TRDMT1: variants seen among roughly 807,000 people sequenced by gnomAD.
The protein encoded by TRDMT1 is tRNA (cytosine(38)-C(5))-methyltransferase.
Under a neutral mutation model 51.2 loss-of-function variants are expected in TRDMT1, and 49 were observed. The ratio of observed to expected loss-of-function variants is 0.96; its 90% confidence interval spans 0.76 to 1.21. The LOEUF (loss-of-function observed/expected upper bound fraction) is 1.21. TRDMT1 is among the 50% of genes most tolerant of loss of function. The pLI is 0.00. For synonymous variants in TRDMT1, 187 were observed against 164.6 expected, an observed-to-expected ratio of 1.14 and a Z score of -1.04; for missense variants, 534 against 462.3, an observed-to-expected ratio of 1.16 and a Z score of -1.42.
chr10:17,180,391 A>C (rs150464429), intron 1 of TRDMT1, among the ~76,000 whole-genome samples: 1,650 of 152,196 alleles, frequency 0.011, 31 homozygotes, highest in African/African-American at 0.038. Context: ...AAATACAAAA[A>C]TCAGCTAGGC....
chr10:17,154,737 G>C lies in TRDMT1; in HGVS notation c.888-3C>G. ...TCCCTTCTATGTAGCTTCCATATCT[G>C]AAAAATCAACACAACAATTATGCAG... On this transcript the variant is annotated splice_polypyrimidine_tract_variant and splice_region_variant and intron_variant, in intron 8 of 10. Coordinates refer to ENST00000377799, the MANE Select transcript of TRDMT1 (RefSeq NM_004412.7). 1 of 1,601,482 alleles carries C rather than the reference G, an allele frequency of 6.2e-7. No homozygotes were observed. Among genetic ancestry groups the C allele is most frequent in the Non-Finnish European group, 8.5e-7 (1 of 1,174,486 alleles).
At chr10:17,168,966 G>T in intron 2 of TRDMT1, 49 bp from the exon 3 acceptor site, 1 of 1,225,220 alleles carries the variant, frequency 8.2e-7, no homozygotes, top group Non-Finnish European at 1.2e-6. Flanking sequence ...AACATGGATA[G>T]AATGGGGAAG....
In TRDMT1 at chr10:17,174,598, A is replaced by G. The variant is rs1842417709; in HGVS notation, c.127T>C (p.Tyr43His). The change falls in exon 2 of 11, where the codon TAC becomes CAC. Residue 43 changes from tyrosine (Y) to histidine (H), a missense_variant. Transcript: ENST00000377799. ...TGTGTGTGAGGAAAATTATACTTGT[A>G]TACTTCATTAGCGACAGTGTTGACA... ...IDVNTVANEV[Y>H]KYNFPHTQLL... 1 of 1,613,964 alleles carries G rather than the reference A, an allele frequency of 6.2e-7. No individual in the cohort carries two copies. The highest frequency in any genetic ancestry group is 1.3e-5 in the African/African-American group (1 of 74,942).
In TRDMT1 at chr10:17,140,393, C is replaced by T. The variant is rs536782657; in HGVS notation, c.*8647G>A. On this transcript the variant is annotated 3_prime_UTR_variant, in exon 11 of 11. Transcript: ENST00000377799. ...GGCTGACAGAATTATTCAAACAATC[C>T]CCCAAGCCATGAAAGAACCTACAAT... Among the ~76,000 whole-genome samples the T allele has an allele frequency of 2.6e-5, 4 of 151,896 alleles. No individual in the cohort carries two copies. Among genetic ancestry groups the T allele is most frequent in the Non-Finnish European group, 5.9e-5 (4 of 67,998 alleles).
At position 17,140,880 on chromosome 10, in the gene TRDMT1, CTTCCT is replaced by C. The variant is rs749445537; in HGVS notation, c.*8155_*8159del. On this transcript the variant is annotated 3_prime_UTR_variant, in exon 11 of 11. Coordinates refer to ENST00000377799, the MANE Select transcript of TRDMT1 (RefSeq NM_004412.7). ...TAATCATTAGCTATACGTTAGGTGT[CTTCCT>C]TTCATCTTTGATTATTTCACATATC... Among the ~76,000 whole-genome samples, 31 of 152,150 alleles carry C rather than the reference CTTCCT, an allele frequency of 2.0e-4. No individual in the cohort carries two copies. Among genetic ancestry groups the C allele is most frequent in the Non-Finnish European group, 4.0e-4 (27 of 67,996 alleles).
At position 17,139,553 on chromosome 10, in the gene TRDMT1, T is replaced by G. The variant is rs56983346; in HGVS notation, c.*9487A>C. Among the ~76,000 whole-genome samples the G allele has an allele frequency of 0.023, 3,516 of 152,088 alleles. 119 individuals are homozygous for G. The highest frequency in any genetic ancestry group is 0.081 in the African/African-American group (3,342 of 41,468). ...GAAAAAAAAGAAAAAGAAAACAAAG[T>G]TTGGGGATACCTGGCACTCTTCAGA... On this transcript the variant is annotated 3_prime_UTR_variant, in exon 11 of 11. Coordinates refer to ENST00000377799, the MANE Select transcript of TRDMT1 (RefSeq NM_004412.7).
intron 10 of TRDMT1, chr10:17,151,576 C>T (rs972636021): frequency 1.2e-5 from 12 of 985,642 alleles, no homozygotes; most frequent in Non-Finnish European, 1.2e-5. Context: ...GTAAGCTCAA[C>T]TCCAAAAACA....
At chr10:17,158,246 T>A (rs1018149762) in intron 7 of TRDMT1, among the ~76,000 whole-genome samples, 1 of 152,176 alleles carries the variant, frequency 6.6e-6, no homozygotes, top group African/African-American at 2.4e-5. Flanking sequence ...GTTTTCACTG[T>A]GAAAGGTTAT....
At position 17,139,171 on chromosome 10, in the gene TRDMT1, G is replaced by A. The variant is rs921842799; in HGVS notation, c.*9869C>T. 6 of 985,148 alleles carry A rather than the reference G, an allele frequency of 6.1e-6. No homozygotes were observed. The highest frequency in any genetic ancestry group is 2.3e-4 in the East Asian group (2 of 8,822). The allele number at this position is 985,148 out of a possible 1,614,324, so 61.0% of individuals were successfully genotyped here. On this transcript the variant is annotated 3_prime_UTR_variant, in exon 11 of 11. Transcript: ENST00000377799. ...CAATGAAGCGGAGTTTACCATAGGT[G>A]AACCCTCCTGCCATCCTGTTCCAAA...
rs760327329 is a variant in TRDMT1, at chr10:17,147,416, TATC to T, written c.*1621_*1623del. 5.6e-6 allele frequency: 5 copies of T among 887,894 alleles called. No individual in the cohort carries two copies. The highest frequency in any genetic ancestry group is 1.8e-5 in the African/African-American group (1 of 55,296). The allele number at this position is 887,894 out of a possible 1,614,324, so 55.0% of individuals were successfully genotyped here. On this transcript the variant is annotated 3_prime_UTR_variant, in exon 11 of 11. Transcript: ENST00000377799. ...AGTAAAATATACATAATGTAAAATT[TATC>T]ATTTTAACTATTTTTAAATATACAG...
chr10:17,155,966 C>G (rs1382661514), intron 8 of TRDMT1, among the ~76,000 whole-genome samples: 2 of 152,030 alleles, frequency 1.3e-5, no homozygotes, highest in Non-Finnish European at 2.9e-5. Context: ...CTAAACAGAA[C>G]CTATTGAACT....
In TRDMT1 at chr10:17,147,400, T is replaced by A. The variant is rs1033032481; in HGVS notation, c.*1640A>T. 2.2e-6 allele frequency: 2 copies of A among 917,840 alleles called. No homozygotes were observed. The highest frequency in any genetic ancestry group is 3.6e-5 in the African/African-American group (2 of 55,890). 56.9% of individuals were successfully genotyped at this position (917,840 alleles called of 1,614,324 possible). A position where few individuals can be genotyped will look rare whatever the true frequency, so the allele number is the denominator to read the frequency against. On this transcript the variant is annotated 3_prime_UTR_variant, in exon 11 of 11. Coordinates refer to ENST00000377799, the MANE Select transcript of TRDMT1 (RefSeq NM_004412.7). Reference sequence around the variant, plus strand: ...TGATTTTTTCAATTGCAGTAAAATATACATAATGTAAAATTTATCATTTTA... The same window carrying A: ...TGATTTTTTCAATTGCAGTAAAATAAACATAATGTAAAATTTATCATTTTA...
chr10:17,184,773 C>A (rs971225264), intron 1 of TRDMT1, among the ~76,000 whole-genome samples: 7 of 152,168 alleles, frequency 4.6e-5, no homozygotes, highest in African/African-American at 7.2e-5. Context: ...CTATATCATT[C>A]TCTACAAATC....
chr10:17,170,543 A>G (rs1003890216), intron 2 of TRDMT1, among the ~76,000 whole-genome samples: 4 of 152,224 alleles, frequency 2.6e-5, no homozygotes, highest in African/African-American at 4.8e-5. Context: ...ATTTTCTCAG[A>G]AAGTTTTCTG....
chr10:17,148,624 C>T lies in TRDMT1; in HGVS notation c.*416G>A. ...GAAATTAAGTAAAACATTCAATGGG[C>T]TAGAATTAGAATCATTATTTTAAAA... On this transcript the variant is annotated 3_prime_UTR_variant, in exon 11 of 11. Coordinates refer to ENST00000377799, the MANE Select transcript of TRDMT1 (RefSeq NM_004412.7). The T allele has an allele frequency of 1.0e-6, 1 of 967,398 alleles. No homozygotes were observed. Among genetic ancestry groups the T allele is most frequent in the Non-Finnish European group, 1.2e-6 (1 of 813,646 alleles). The allele number at this position is 967,398 out of a possible 1,614,324, so 59.9% of individuals were successfully genotyped here.
chr10:17,175,867 T>C (rs112260156), intron 1 of TRDMT1, among the ~76,000 whole-genome samples: 187 of 152,190 alleles, frequency 1.2e-3, no homozygotes, highest in African/African-American at 4.1e-3. Context: ...CAAGGATTGA[T>C]ACTAAATGGC....
chr10:17,137,685 C>T lies in TRDMT1; in HGVS notation c.*11355G>A, dbSNP rs1286805103. The T allele has an allele frequency of 3.3e-5, 5 of 151,946 alleles. No homozygotes were observed. Among genetic ancestry groups the T allele is most frequent in the South Asian group, 2.1e-4 (1 of 4,806 alleles). 9.4% of individuals were successfully genotyped at this position (151,946 alleles called of 1,614,324 possible). A position where few individuals can be genotyped will look rare whatever the true frequency, so the allele number is the denominator to read the frequency against. ...CTACTAAAAATACAAAAAAATTAGCCGGGCATGGTGGCACACACCTGTAGT... is the reference window on the plus strand; with the variant it reads ...CTACTAAAAATACAAAAAAATTAGCTGGGCATGGTGGCACACACCTGTAGT... On this transcript the variant is annotated 3_prime_UTR_variant, in exon 11 of 11. Coordinates refer to ENST00000377799, the MANE Select transcript of TRDMT1 (RefSeq NM_004412.7).
Position 17,185,469 on chromosome 10 carries a change from G to A in TRDMT1, c.65-10809C>T, listed in dbSNP as rs572942294. ...AAATAGGAACACTTTTACACTGTTG[G>A]TGGGACTGTAAACTAGTTCAACCAT... On this transcript the variant is annotated intron_variant, in intron 1 of 10. Transcript: ENST00000377799. Among the ~76,000 whole-genome samples the A allele has an allele frequency of 3.1e-3, 472 of 152,314 alleles. 1 individual carries two copies. The highest frequency in any genetic ancestry group is 5.3e-3 in the Non-Finnish European group (360 of 68,032).
chr10:17,162,464 T>A (rs1588547158), intron 3 of TRDMT1, among the ~76,000 whole-genome samples: 1 of 152,050 alleles, frequency 6.6e-6, no homozygotes, highest in Non-Finnish European at 1.5e-5. Context: ...TTCCAGCACT[T>A]TGGGAGGTGA....
Sources: allele counts gnomAD v4.1 joint callset (sites outside exome capture counted in the v4.1 genomes callset), GRCh38; gene constraint gnomAD v4.1.1; transcripts MANE v1.5; gene names NCBI Gene and HGNC (gene_info 2026-07-23, HGNC 2026-07-21).